The following PCNX2 variants were observed in gnomAD, a reference collection of about 807,000 sequenced individuals.
The protein encoded by PCNX2 is pecanex 2.
A neutral mutation model predicts 223.8 loss-of-function variants in PCNX2; 168 were observed. That is an observed-to-expected ratio of 0.75 (90% CI 0.66 to 0.85). The LOEUF (loss-of-function observed/expected upper bound fraction) is 0.85. Ranked by LOEUF, PCNX2 falls within the 40% of genes least tolerant of loss-of-function variation. The pLI is 0.00. For missense variants in PCNX2, 2,507 were observed against 2,675.5 expected, an observed-to-expected ratio of 0.94 and a Z score of 1.39; for synonymous variants, 1,006 against 1,052.6, an observed-to-expected ratio of 0.96 and a Z score of 0.86.
chr1:233,234,444 C>T (rs1268809014), intron 9 of PCNX2, among the ~76,000 whole-genome samples: 1 of 152,094 alleles, frequency 6.6e-6, no homozygotes, highest in Non-Finnish European at 1.5e-5. Flanking sequence ...ATGGTTGAAG[C>T]AATGAATTTG....
At chr1:233,124,740 A>T (rs990348439) in intron 21 of PCNX2, among the ~76,000 whole-genome samples, 1 of 152,272 alleles carries the variant, frequency 6.6e-6, no homozygotes, top group African/African-American at 2.4e-5. Flanking sequence ...TACATCATTA[A>T]GTGCACATTG....
At chr1:233,062,868 T>A (rs890261976) in intron 23 of PCNX2, among the ~76,000 whole-genome samples, 51 of 152,028 alleles carry the variant, frequency 3.4e-4, no homozygotes, top group African/African-American at 1.2e-3. Flanking sequence ...TTTGTGCCAA[T>A]AAATTTGAAA....
chr1:233,258,168 G>C lies in PCNX2; in HGVS notation c.1694C>G (p.Ala565Gly), dbSNP rs1259748412. The change falls in exon 5 of 34, where the codon GCT becomes GGT. Residue 565 changes from alanine to glycine, a missense_variant. Transcript: ENST00000258229. ...CTCATTTGGCATTTGTCCTTCCTTA[G>C]CCTCTAGGTCAGATTTGGAAGTTGG... ...TMPTSKSDLEAKEGQMPNESN... is the reference protein window; with the variant it reads ...TMPTSKSDLEGKEGQMPNESN... 8.7e-6 allele frequency: 14 copies of C among 1,613,810 alleles called. No individual in the cohort carries two copies. Among genetic ancestry groups the C allele is most frequent in the Non-Finnish European group, 1.2e-5 (14 of 1,179,886 alleles).
intron 17 of PCNX2, among the ~76,000 whole-genome samples, chr1:233,174,097 T>C (rs1451216078): frequency 7.0e-6 from 1 of 143,354 alleles, no homozygotes; most frequent in Non-Finnish European, 1.5e-5. Context: ...TATATAAATA[T>C]ATTTAATTTG....
chr1:233,078,676 G>A (rs1299128802), intron 23 of PCNX2, among the ~76,000 whole-genome samples: 2 of 152,262 alleles, frequency 1.3e-5, no homozygotes, highest in Middle Eastern at 3.4e-3. Context: ...CAGCTGGCAC[G>A]TTCAACGCTT....
At chr1:233,235,080 A>G (rs967541015) in intron 9 of PCNX2, among the ~76,000 whole-genome samples, 1 of 152,006 alleles carries the variant, frequency 6.6e-6, no homozygotes, top group African/African-American at 2.4e-5. Flanking sequence ...TCCCCTCCTC[A>G]GAAGTGCCCC....
At chr1:233,222,880 A>T (rs894233436) in intron 10 of PCNX2, among the ~76,000 whole-genome samples, 1 of 152,208 alleles carries the variant, frequency 6.6e-6, no homozygotes, top group Admixed American at 6.5e-5. Flanking sequence ...TGTCATCCTG[A>T]AATCATGAGA....
At chr1:233,188,666 G>A (rs1174062015) in intron 15 of PCNX2, among the ~76,000 whole-genome samples, 16 of 151,990 alleles carry the variant, frequency 1.1e-4, no homozygotes. Flanking sequence ...GGGATTACAG[G>A]TGCACGCCAC....
chr1:233,323,483 A>C, the PCNX2 span, among the ~76,000 whole-genome samples: 1 of 152,248 alleles, frequency 6.6e-6, no homozygotes, highest in African/African-American at 2.4e-5. Context: ...TCCAAGAGCA[A>C]GTCTCTTGGT....
chr1:233,176,042 G>A (rs1377987240), intron 17 of PCNX2, among the ~76,000 whole-genome samples: 1 of 152,168 alleles, frequency 6.6e-6, no homozygotes, highest in East Asian at 1.9e-4. Flanking sequence ...TGGATATCAA[G>A]ACAAATGAGA....
intron 25 of PCNX2, among the ~76,000 whole-genome samples, chr1:233,033,592 C>A (rs1005415402): frequency 2.0e-5 from 3 of 152,358 alleles, no homozygotes; most frequent in East Asian, 3.9e-4. Flanking sequence ...ATATGGTGAA[C>A]AACATCCTTA....
intron 25 of PCNX2, among the ~76,000 whole-genome samples, chr1:233,033,426 G>A (rs191388216): frequency 3.7e-3 from 564 of 152,284 alleles, no homozygotes; most frequent in Non-Finnish European, 5.3e-3. Context: ...ATTTCACTCC[G>A]GGCTTTCCAG....
chr1:233,050,438 A>C (rs1671963116), intron 25 of PCNX2, among the ~76,000 whole-genome samples: 1 of 152,198 alleles, frequency 6.6e-6, no homozygotes, highest in African/African-American at 2.4e-5. Context: ...CTATACTCTA[A>C]GCCTATAGTA....
chr1:233,131,148 G>T (rs56022432), intron 21 of PCNX2, among the ~76,000 whole-genome samples: 1 of 152,212 alleles, frequency 6.6e-6, no homozygotes, highest in Non-Finnish European at 1.5e-5. Context: ...GGGGCTGCCA[G>T]GCTAACAATA....
rs1021309492 is a variant in PCNX2, at chr1:233,049,454, C to A, written c.4351+4814G>T. 6.6e-5 allele frequency among the ~76,000 whole-genome samples: 10 copies of A among 152,006 alleles called. No homozygotes were observed. The South Asian group carries it at 1.7e-3, about 25-fold the overall frequency. ...TTCAACATCCTTTCATGGTAAAGAC[C>A]CTCAAGAAATGAAGGATAGAAAGAA... On this transcript the variant is annotated intron_variant, in intron 25 of 33. Transcript: ENST00000258229.
chr1:233,233,424 CTGTGTGTGTGTGTGTGTGTGTGTGTG>C (rs57458756), intron 9 of PCNX2, among the ~76,000 whole-genome samples: 2 of 140,242 alleles, frequency 1.4e-5, no homozygotes, highest in Non-Finnish European at 3.1e-5. Context: ...TCCTCTTCTC[CTGTGTGTGTGTGTGTGTGTGTGTGTG>C]TGTGTGTGTG....
At chr1:233,049,528 G>T (rs1461248882) in intron 25 of PCNX2, among the ~76,000 whole-genome samples, 2 of 151,982 alleles carry the variant, frequency 1.3e-5, no homozygotes, top group African/African-American at 2.4e-5. Context: ...ATGGCTGGAA[G>T]AATTCCCCTT....
intron 1 of PCNX2, chr1:233,289,429 TG>T (rs566581480): frequency 4.6e-5 from 65 of 1,414,698 alleles, no homozygotes; most frequent in Non-Finnish European, 6.2e-5. Context: ...TTCACGATCT[TG>T]GCGCTCGTAC....
At chr1:233,030,992 A>G (rs564442672) in intron 25 of PCNX2, among the ~76,000 whole-genome samples, 5 of 152,174 alleles carry the variant, frequency 3.3e-5, no homozygotes, top group Non-Finnish European at 4.4e-5. Context: ...CCCTAGTTCA[A>G]TAAGACCACA....
Sources: gnomAD v4.1 joint callset for allele counts (sites outside exome capture counted in the v4.1 genomes callset) on GRCh38, gnomAD v4.1.1 for gene constraint, MANE v1.5 for transcripts, NCBI Gene and HGNC (gene_info 2026-07-23, HGNC 2026-07-21) for gene names.